TMEM165: variants seen among roughly 807,000 people sequenced by gnomAD.
TMEM165 encodes the protein transmembrane protein 165.
TMEM165 carries 19 observed loss-of-function variants against 30.0 expected under a neutral mutation model. The ratio of observed to expected loss-of-function variants is 0.63; its 90% confidence interval spans 0.44 to 0.93. TMEM165 has a LOEUF of 0.93. Among genes scored for constraint, TMEM165 ranks in the 40% least tolerant of loss-of-function variants. The probability of loss-of-function intolerance (pLI) is 0.00; values close to 1 mark genes in which losing one functional copy is unlikely to be tolerated. For missense variants in TMEM165, 340 were observed against 417.0 expected (o/e 0.82, Z 1.61); for synonymous variants, 168 against 162.9 (o/e 1.03, Z -0.24).
chr4:55,435,629 C>T (rs754387541), intron 3 of TMEM165: 2 of 1,607,674 alleles, frequency 1.2e-6, no homozygotes, highest in South Asian at 2.2e-5. Flanking sequence ...CATTGCTTTA[C>T]TCCCTTTATG....
intron 4 of TMEM165, among the ~76,000 whole-genome samples, chr4:55,421,097 T>C (rs982784429): frequency 2.5e-4 from 36 of 142,056 alleles, no homozygotes; most frequent in Non-Finnish European, 1.9e-4. Context: ...CAGGAGAATC[T>C]CTTGAACCCG....
chr4:55,417,461 C>T (rs1156744046), intron 3 of TMEM165, among the ~76,000 whole-genome samples: 2 of 152,164 alleles, frequency 1.3e-5, no homozygotes, highest in Non-Finnish European at 2.9e-5. Flanking sequence ...ATACTGAACA[C>T]AGGTAATCAG....
chr4:55,438,353 C>T, intron 3 of TMEM165: 3 of 1,613,960 alleles, frequency 1.9e-6, no homozygotes, highest in Non-Finnish European at 2.5e-6. Flanking sequence ...AGCTGCTGCT[C>T]CTGGGAGCTC....
In TMEM165 at chr4:55,408,933, T is replaced by TA. The variant is rs1466313343; in HGVS notation, c.208-2681_208-2680insA. On this transcript the variant is annotated intron_variant, in intron 1 of 5. Coordinates refer to ENST00000381334, the MANE Select transcript of TMEM165 (RefSeq NM_018475.5). ...AAATTTGAAATGCCCTTTTTTTTTT[T>TA]TTTAATATAAGGATTCTTAATATTG... Among the ~76,000 whole-genome samples, 9 of 151,750 alleles carry TA rather than the reference T, an allele frequency of 5.9e-5. No homozygotes were observed. In the East Asian group the frequency reaches 1.6e-3, roughly 26 times the overall value.
chr4:55,411,969 C>A, intron 2 of TMEM165, 130 bp downstream of exon 2: 1 of 817,316 alleles, frequency 1.2e-6, no homozygotes, highest in Admixed American at 2.2e-5. Context: ...GTCTTCCAAC[C>A]TTTTCCTTGT....
At position 55,453,119 on chromosome 4, in the gene TMEM165, C is replaced by T. The variant is rs1047615569; in HGVS notation, c.*813C>T. On this transcript the variant is annotated 3_prime_UTR_variant, in exon 4 of 4. Coordinates refer to the TMEM165 transcript ENST00000608091. ...AGTTCTCGTCGTCTTTCAGCCCTAA[C>T]TTCTGCATAACTACAAATGGAAAAA... is the stretch of plus-strand genomic sequence containing the variant. The T allele has an allele frequency of 3.1e-6, 5 of 1,612,702 alleles. No individual in the cohort carries two copies. In the African/African-American group the frequency reaches 6.7e-5, roughly 22 times the overall value.
At chr4:55,445,804 C>G (rs909864005) in intron 3 of TMEM165, among the ~76,000 whole-genome samples, 20 of 151,538 alleles carry the variant, frequency 1.3e-4, no homozygotes, top group Non-Finnish European at 2.8e-4. Context: ...CTATGTTGCC[C>G]ATGCTGGTCT....
rs1560385840 is a variant in TMEM165, at chr4:55,400,269, T to TA, written c.207+3874dup. Among the ~76,000 whole-genome samples the TA allele has an allele frequency of 1.8e-4, 20 of 108,960 alleles. No homozygotes were observed. In the South Asian group the frequency reaches 2.1e-3, roughly 11 times the overall value. The allele number at this position is 108,960 out of a possible 152,430, so 71.5% of individuals were successfully genotyped here. ...TATTATATTATATTAATATATAATA[T>TA]ATAATATAATATTATATATTATATA... is the stretch of plus-strand genomic sequence containing the variant. On this transcript the variant is annotated intron_variant, in intron 1 of 5. Transcript: ENST00000381334.
chr4:55,427,816 A>G (rs1485563800), downstream of TMEM165: 1 of 152,174 alleles, frequency 6.6e-6, no homozygotes, highest in Non-Finnish European at 1.5e-5. Flanking sequence ...TTCCTCTGAG[A>G]ATTTTTGGTA....
In TMEM165 at chr4:55,435,687, A is replaced by T. The variant is rs1022792076; in HGVS notation, c.408+11044A>T. The T allele has an allele frequency of 3.1e-6, 4 of 1,298,592 alleles. No individual in the cohort carries two copies. The Admixed American group carries it at 7.0e-5, about 23-fold the overall frequency. 80.4% of individuals were successfully genotyped at this position (1,298,592 alleles called of 1,614,324 possible). On this transcript the variant is annotated intron_variant, in intron 3 of 3. Coordinates refer to the TMEM165 transcript ENST00000608091. ...CACTCTCCCCTGTCCATAGGGACAA[A>T]ATCCTTAAAATTCTACATAATGCAT...
intron 3 of TMEM165, chr4:55,435,565 TGAG>T: frequency 6.2e-7 from 1 of 1,613,996 alleles, no homozygotes; most frequent in Middle Eastern, 1.7e-4. Flanking sequence ...TGAGTTGAGT[TGAG>T]GGATTCCCAT....
chr4:55,452,912 T>C (rs1325281972), exon 4 of TMEM165: 5 of 609,904 alleles, frequency 8.2e-6, no homozygotes, highest in Non-Finnish European at 1.4e-5. Context: ...AAATTAAAAA[T>C]AAGTAGTAAA....
At chr4:55,400,224 TA>T (rs1233126500) in intron 1 of TMEM165, among the ~76,000 whole-genome samples, 1 of 42,986 alleles carries the variant, frequency 2.3e-5, no homozygotes, top group African/African-American at 6.1e-5. Flanking sequence ...TATTATATAT[TA>T]ATATATTAAT....
In TMEM165 at chr4:55,417,910, A is replaced by G; in HGVS notation, c.717A>G (p.Gln239=). 1 of 1,614,136 alleles carries G rather than the reference A, an allele frequency of 6.2e-7. No homozygotes were observed. The highest frequency in any genetic ancestry group is 8.5e-7 in the Non-Finnish European group (1 of 1,180,016). The change falls in exon 4 of 6, where the codon CAA becomes CAG. Residue 239 remains glutamine (Q), a synonymous_variant. Coordinates refer to ENST00000381334, the MANE Select transcript of TMEM165 (RefSeq NM_018475.5). ...WLHFISPIFV[Q]ALTLTFLAEW... is the part of the protein sequence containing the mutation. ...ATTTTATTTCACCCATTTTTGTTCA[A>G]GCTCTTACATTAACATTCTTAGCAG...
rs903973357 is a variant in TMEM165, at chr4:55,425,888, T to C, written c.*436T>C. ...TTCTTAAAACATTTCCCTGAGCCAG[T>C]AAACAGTAGTTTAATCATTGGTCTT... is the stretch of plus-strand genomic sequence containing the variant. On this transcript the variant is annotated 3_prime_UTR_variant, in exon 6 of 6. Transcript: ENST00000381334. 1 of 152,982 alleles carries C rather than the reference T, an allele frequency of 6.5e-6. No homozygotes were observed. The highest frequency in any genetic ancestry group is 1.5e-5 in the Non-Finnish European group (1 of 68,586). 9.5% of individuals were successfully genotyped at this position (152,982 alleles called of 1,614,324 possible).
In TMEM165 at chr4:55,409,820, C is replaced by T. The variant is rs149587580; in HGVS notation, c.208-1794C>T. Among the ~76,000 whole-genome samples the T allele has an allele frequency of 3.6e-3, 549 of 152,274 alleles. 3 individuals carry two copies. Among genetic ancestry groups the T allele is most frequent in the Non-Finnish European group, 6.6e-3 (452 of 68,016 alleles). On this transcript the variant is annotated intron_variant, in intron 1 of 5. Transcript: ENST00000381334. ...TAGCAGTCTGTTCCAACTTTGGGTG[C>T]GTCTTTGGAGACAGAAATCTCTCCT...
At chr4:55,443,072 G>C (rs1723504186) in intron 3 of TMEM165, among the ~76,000 whole-genome samples, 1 of 152,122 alleles carries the variant, frequency 6.6e-6, no homozygotes, top group Non-Finnish European at 1.5e-5. Flanking sequence ...ATGGGAACAG[G>C]CTTCCTGGTC....
chr4:55,437,726 G>A (rs1032496351), intron 3 of TMEM165, among the ~76,000 whole-genome samples: 6 of 152,212 alleles, frequency 3.9e-5, no homozygotes, highest in African/African-American at 1.4e-4. Context: ...AGTACGTGGT[G>A]CAGCAGTGAC....
intron 1 of TMEM165, among the ~76,000 whole-genome samples, chr4:55,400,272 A>ATTAATATATATATATTAAT: frequency 1.2e-5 from 1 of 83,176 alleles, no homozygotes; most frequent in South Asian, 3.4e-4. Flanking sequence ...TATAATATAT[A>ATTAATATATATATATTAAT]ATATAATATT....
Sources: gnomAD v4.1 joint callset for allele counts (sites outside exome capture counted in the v4.1 genomes callset) on GRCh38, gnomAD v4.1.1 for gene constraint, MANE v1.5 for transcripts, NCBI Gene and HGNC (gene_info 2026-07-23, HGNC 2026-07-21) for gene names.